The following IL1RAPL2 variants were observed in gnomAD, a reference collection of about 807,000 sequenced individuals.
The protein encoded by IL1RAPL2 is X-linked interleukin-1 receptor accessory protein-like 2.
In IL1RAPL2, 3 loss-of-function variants were observed where a neutral mutation model predicts 44.1. The observed-to-expected ratio is 0.07, with a 90% CI of 0.03 to 0.18. IL1RAPL2 has a LOEUF of 0.18. Among genes scored for constraint, IL1RAPL2 ranks in the 10% least tolerant of loss-of-function variants. The pLI is 1.00. For missense variants in IL1RAPL2, 391 were observed against 496.4 expected, an observed-to-expected ratio of 0.79 and a Z score of 2.02; for synonymous variants, 181 against 178.8, an observed-to-expected ratio of 1.01 and a Z score of -0.10.
chrX:104,946,035 A>G (rs1925337141), intron 2 of IL1RAPL2, among the ~76,000 whole-genome samples: 1 of 110,341 alleles, frequency 9.1e-6, no homozygotes, highest in Non-Finnish European at 1.9e-5. Context: ...ATTTTTTTAC[A>G]AAGTCCAAAT....
intron 2 of IL1RAPL2, among the ~76,000 whole-genome samples, chrX:105,158,969 C>T (rs1193261354): frequency 2.7e-5 from 3 of 111,996 alleles, no homozygotes; most frequent in African/African-American, 9.7e-5. Context: ...GAGGGACCCT[C>T]TCTTCACAGC....
chrX:105,247,620 TGTGTGTGTG>T (rs1185177662), intron 4 of IL1RAPL2, among the ~76,000 whole-genome samples: 6 of 107,890 alleles, frequency 5.6e-5, no homozygotes, highest in Non-Finnish European at 3.8e-5. Context: ...TGTGTGTGTG[TGTGTGTGTG>T]TGTGTGTGTG....
chrX:104,931,742 C>T (rs1391387971), intron 2 of IL1RAPL2, among the ~76,000 whole-genome samples: 2 of 111,060 alleles, frequency 1.8e-5, no homozygotes, highest in Non-Finnish European at 3.8e-5. Flanking sequence ...ATTAAAAGAA[C>T]TTTTTTATTA....
At chrX:105,337,644 C>A (rs1272873973) in intron 5 of IL1RAPL2, among the ~76,000 whole-genome samples, 2 of 111,810 alleles carry the variant, frequency 1.8e-5, no homozygotes, top group Admixed American at 9.4e-5. Flanking sequence ...GTAATCCCAG[C>A]ACTTTGGGAG....
At chrX:105,457,033 T>TACACACACACACACACACACACACAC (rs58305468) in intron 5 of IL1RAPL2, among the ~76,000 whole-genome samples, 1 of 85,323 alleles carries the variant, frequency 1.2e-5, no homozygotes, top group Non-Finnish European at 2.3e-5. Context: ...TCTAAAGTTA[T>TACACACACACACACACACACACACAC]ACACACACAC....
chrX:105,417,482 A>G (rs1221833554), intron 5 of IL1RAPL2, among the ~76,000 whole-genome samples: 1 of 112,980 alleles, frequency 8.9e-6, no homozygotes, highest in African/African-American at 3.2e-5. Context: ...CAAAAAATAA[A>G]TTATGTGATT....
intron 2 of IL1RAPL2, among the ~76,000 whole-genome samples, chrX:104,937,491 G>A (rs1229303025): frequency 8.9e-6 from 1 of 112,168 alleles, no homozygotes; most frequent in Non-Finnish European, 1.9e-5. Flanking sequence ...ATTTGAAAGT[G>A]ATACCCATCA....
At chrX:105,147,474 A>G (rs1358318866) in intron 2 of IL1RAPL2, among the ~76,000 whole-genome samples, 5 of 111,280 alleles carry the variant, frequency 4.5e-5, no homozygotes, top group Non-Finnish European at 9.4e-5. Flanking sequence ...ACCCAGGCCT[A>G]TATTAACAGT....
At chrX:104,656,625 G>A (rs1930268979) in intron 1 of IL1RAPL2, among the ~76,000 whole-genome samples, 1 of 111,927 alleles carries the variant, frequency 8.9e-6, no homozygotes, top group African/African-American at 3.2e-5. Flanking sequence ...TAAGTGCAAT[G>A]TGGTGCAGAT....
intron 2 of IL1RAPL2, among the ~76,000 whole-genome samples, chrX:104,698,408 C>A (rs1032851177): frequency 3.6e-5 from 4 of 111,812 alleles, no homozygotes; most frequent in African/African-American, 1.3e-4. Flanking sequence ...AAGCTGGCTA[C>A]CACAGAAATG....
intron 5 of IL1RAPL2, among the ~76,000 whole-genome samples, chrX:105,469,752 A>G (rs1003027572): frequency 2.7e-5 from 3 of 111,009 alleles, no homozygotes; most frequent in African/African-American, 6.5e-5. Context: ...CTTATTACCT[A>G]TGTAATCTTG....
At chrX:105,227,904 G>T (rs1247853756) in intron 3 of IL1RAPL2, among the ~76,000 whole-genome samples, 1 of 111,559 alleles carries the variant, frequency 9.0e-6, no homozygotes, top group African/African-American at 3.3e-5. Context: ...TAAATGTACA[G>T]TTCAGCTGTA....
intron 6 of IL1RAPL2, among the ~76,000 whole-genome samples, chrX:105,690,919 C>T (rs987960496): frequency 9.0e-6 from 1 of 111,206 alleles, no homozygotes; most frequent in African/African-American, 3.3e-5. Context: ...AGTCCAAGAT[C>T]AAGGTGCCAG....
chrX:104,826,938 CTTTTTT>C (rs1176113214), intron 2 of IL1RAPL2, among the ~76,000 whole-genome samples: 81 of 34,869 alleles, frequency 2.3e-3, no homozygotes, highest in Middle Eastern at 0.024. Flanking sequence ...GCAACCCCTG[CTTTTTT>C]TTTTTTTTTT....
chrX:104,820,108 C>A (rs1164593877), intron 2 of IL1RAPL2, among the ~76,000 whole-genome samples: 1 of 111,461 alleles, frequency 9.0e-6, no homozygotes, highest in Non-Finnish European at 1.9e-5. Flanking sequence ...ATGGAATGTG[C>A]TTTAAAATTT....
chrX:104,744,606 G>T (rs1423746156), intron 2 of IL1RAPL2, among the ~76,000 whole-genome samples: 1 of 111,392 alleles, frequency 9.0e-6, no homozygotes, highest in East Asian at 2.8e-4. Flanking sequence ...ACGTGTGCCA[G>T]ACACTTCATA....
chrX:104,976,019 C>T (rs920202546), intron 2 of IL1RAPL2, among the ~76,000 whole-genome samples: 3 of 111,261 alleles, frequency 2.7e-5, no homozygotes, highest in African/African-American at 6.5e-5. Flanking sequence ...AAACCCTGTA[C>T]ATAGGGATAT....
At chrX:104,646,331 CAAAA>C (rs572432274) in intron 1 of IL1RAPL2, among the ~76,000 whole-genome samples, 2 of 68,994 alleles carry the variant, frequency 2.9e-5, no homozygotes, top group Non-Finnish European at 3.1e-5. Context: ...GCTGGGGATG[CAAAA>C]AAAAAAAAAA....
intron 2 of IL1RAPL2, among the ~76,000 whole-genome samples, chrX:104,941,472 C>A (rs1053258961): frequency 8.9e-6 from 1 of 111,930 alleles, no homozygotes; most frequent in African/African-American, 3.3e-5. Flanking sequence ...AGCATTTTTT[C>A]ATGTGTCTGT....
Sources: allele counts gnomAD v4.1 joint callset (sites outside exome capture counted in the v4.1 genomes callset), GRCh38; gene constraint gnomAD v4.1.1; transcripts MANE v1.5; gene names NCBI Gene and HGNC (gene_info 2026-07-23, HGNC 2026-07-21).